The following SBK1 variants were observed in gnomAD, a reference collection of about 807,000 sequenced individuals.
SBK1 encodes serine/threonine-protein kinase SBK1.
Under a neutral mutation model 24.4 loss-of-function variants are expected in SBK1, and 11 were observed. That is an observed-to-expected ratio of 0.45 (90% CI 0.28 to 0.75). The LOEUF (loss-of-function observed/expected upper bound fraction) is 0.75, where lower values mean the gene tolerates loss of function less well. Among genes scored for constraint, SBK1 ranks in the 30% least tolerant of loss-of-function variants. The probability of loss-of-function intolerance (pLI) is 0.12; values close to 1 mark genes in which losing one functional copy is unlikely to be tolerated. For missense variants in SBK1, 467 were observed against 620.5 expected, an observed-to-expected ratio of 0.75 and a Z score of 2.63; for synonymous variants, 308 against 284.4, an observed-to-expected ratio of 1.08 and a Z score of -0.83.
rs1175056145 is a variant in SBK1, at chr16:28,293,115, T to G, written c.-193T>G. 2 of 985,326 alleles carry G rather than the reference T, an allele frequency of 2.0e-6. No individual in the cohort carries two copies. The highest frequency in any genetic ancestry group is 2.4e-6 in the Non-Finnish European group (2 of 830,108). The allele number at this position is 985,326 out of a possible 1,614,324, so 61.0% of individuals were successfully genotyped here. A position where few individuals can be genotyped will look rare whatever the true frequency, so the allele number is the denominator to read the frequency against. On this transcript the variant is annotated 5_prime_UTR_variant, in exon 1 of 4. Transcript: ENST00000341901. The stretch of plus-strand genomic sequence containing the variant: ...GGCAGCCGGGGACAGCAAGAGACAC[T>G]CTCACCAGCAAGAAGCCTCGGGGAT...
intron 1 of SBK1, among the ~76,000 whole-genome samples, chr16:28,271,218 G>A (rs1422975774): frequency 2.0e-5 from 3 of 152,068 alleles, no homozygotes; most frequent in Non-Finnish European, 4.4e-5. Flanking sequence ...AAATAAGGGA[G>A]TAAACCAAGT....
intron 1 of SBK1, among the ~76,000 whole-genome samples, chr16:28,266,351 A>G (rs1049724239): frequency 6.6e-6 from 1 of 152,120 alleles, no homozygotes; most frequent in African/African-American, 2.4e-5. Context: ...TAGGTGACAA[A>G]GGGAGACCCT....
In SBK1 at chr16:28,321,216, CA is replaced by C; in HGVS notation, c.*296del. On this transcript the variant is annotated 3_prime_UTR_variant, in exon 4 of 4. Coordinates refer to ENST00000341901, the MANE Select transcript of SBK1 (RefSeq NM_001024401.3). ...ACACACACACACACACACACACACA[CA>C]CACACACACACACACACACACGCCA... 5.2e-6 allele frequency: 1 copy of C among 190,588 alleles called. No homozygotes were observed. 11.8% of individuals were successfully genotyped at this position (190,588 alleles called of 1,614,324 possible). A position where few individuals can be genotyped will look rare whatever the true frequency, so the allele number is the denominator to read the frequency against.
rs55860114 is a variant in SBK1, at chr16:28,321,182, A to AACACACACACACACAC, written c.*302_*317dup. The AACACACACACACACAC allele has an allele frequency of 4.6e-4, 88 of 192,092 alleles. 1 individual carries two copies. Among genetic ancestry groups the AACACACACACACACAC allele is most frequent in the Admixed American group, 1.1e-3 (16 of 14,296 alleles). The allele number at this position is 192,092 out of a possible 1,614,324, so 11.9% of individuals were successfully genotyped here. On this transcript the variant is annotated 3_prime_UTR_variant, in exon 4 of 4. Coordinates refer to ENST00000341901, the MANE Select transcript of SBK1 (RefSeq NM_001024401.3). ...CCCGAGAATTCGGAGGCCACCACAC[A>AACACACACACACACAC]ACACACACACACACACACACACACA...
intron 1 of SBK1, among the ~76,000 whole-genome samples, chr16:28,267,740 A>G (rs1336137272): frequency 6.6e-6 from 1 of 152,226 alleles, no homozygotes; most frequent in African/African-American, 2.4e-5. Context: ...AGTATAATCT[A>G]TACTGCCAAA....
chr16:28,296,376 A>G (rs890770296), intron 1 of SBK1, among the ~76,000 whole-genome samples: 1 of 151,954 alleles, frequency 6.6e-6, no homozygotes, highest in Non-Finnish European at 1.5e-5. Flanking sequence ...TACAAGTGTA[A>G]GCCACCACAC....
In SBK1 at chr16:28,319,947, G is replaced by C; in HGVS notation, c.430-129G>C. The C allele has an allele frequency of 2.3e-6, 2 of 862,326 alleles. No homozygotes were observed. The highest frequency in any genetic ancestry group is 3.4e-6 in the Non-Finnish European group (2 of 593,456). 53.4% of individuals were successfully genotyped at this position (862,326 alleles called of 1,614,324 possible). A position where few individuals can be genotyped will look rare whatever the true frequency, so the allele number is the denominator to read the frequency against. ...AGCAGCATCCGGGCCGCGTCTGCGC[G>C]GTCGCCCCAGTTACTGGGGACAGGG... On this transcript the variant is annotated intron_variant, in intron 3 of 3. Coordinates refer to ENST00000341901, the MANE Select transcript of SBK1 (RefSeq NM_001024401.3). This position sits in a 1 kb window ranked among gnomAD's most constrained non-coding sequence, Gnocchi z 4.0.
intron 1 of SBK1, among the ~76,000 whole-genome samples, chr16:28,266,890 G>A (rs1175297974): frequency 1.3e-5 from 2 of 151,518 alleles, no homozygotes; most frequent in East Asian, 1.9e-4. Flanking sequence ...ACAGACATGC[G>A]CCACACACCA....
chr16:28,288,730 GC>G (rs946867858), upstream of SBK1, among the ~76,000 whole-genome samples: 2 of 152,152 alleles, frequency 1.3e-5, no homozygotes, highest in African/African-American at 4.8e-5. Flanking sequence ...AAGCAGCCCT[GC>G]CCTCTCTGCT....
upstream of SBK1, chr16:28,258,806 C>T (rs2044377863): frequency 6.6e-6 from 1 of 152,560 alleles, no homozygotes. Context: ...GCCAGCCTCA[C>T]CTGGCCCTTG....
intron 1 of SBK1, among the ~76,000 whole-genome samples, chr16:28,298,568 T>C (rs2044657138): frequency 2.6e-5 from 4 of 152,222 alleles, no homozygotes; most frequent in Admixed American, 2.0e-4. Flanking sequence ...TAGCTGCCAC[T>C]TCCTAAAGTT....
chr16:28,276,411 C>T (rs1374268726), intron 1 of SBK1, among the ~76,000 whole-genome samples: 1 of 152,162 alleles, frequency 6.6e-6, no homozygotes, highest in Non-Finnish European at 1.5e-5. Flanking sequence ...CTCCAAGACC[C>T]GCGCCCCTGA....
At chr16:28,312,742 G>A (rs1003323509) in intron 1 of SBK1, among the ~76,000 whole-genome samples, 1 of 152,230 alleles carries the variant, frequency 6.6e-6, no homozygotes, top group Non-Finnish European at 1.5e-5. Context: ...GCTCAGGCCT[G>A]TAATCCCAGC....
rs1264018539 is a variant in SBK1, at chr16:28,259,327, C to T, written c.82C>T (p.Pro28Ser). The change falls in exon 1 of 4, where the codon CCT (proline) becomes TCT (serine). Residue 28 changes from proline (P) to serine (S), a missense_variant. Physicochemically the swap from Pro to Ser is moderately conservative, Grantham distance 74. Coordinates refer to the SBK1 transcript ENST00000671413. This position sits in a 1 kb window ranked among gnomAD's most constrained non-coding sequence, Gnocchi z 6.0. The stretch of plus-strand genomic sequence containing the variant: ...CCTGGAGCGCCCTGGCTCGGGGACT[C>T]CTGCCCAGGCTGGCGATGATGCTGC... 8.1e-6 allele frequency: 3 copies of T among 372,480 alleles called. No individual in the cohort carries two copies. Among genetic ancestry groups the T allele is most frequent in the African/African-American group, 2.2e-5 (1 of 45,532 alleles). 23.1% of individuals were successfully genotyped at this position (372,480 alleles called of 1,614,324 possible).
chr16:28,263,006 G>C (rs2044406709), intron 1 of SBK1, among the ~76,000 whole-genome samples: 1 of 152,164 alleles, frequency 6.6e-6, no homozygotes, highest in Non-Finnish European at 1.5e-5. Context: ...TGCAGATGAA[G>C]AACAAGAGTG....
At position 28,320,023 on chromosome 16, in the gene SBK1, G is replaced by A. The variant is rs1327763416; in HGVS notation, c.430-53G>A. ...AGAGGGAGCTGGAGGGGAGGGCGGCGGGGCGGGCGCTGGAGAGCTGGAAAC... is the reference window on the plus strand; with the variant it reads ...AGAGGGAGCTGGAGGGGAGGGCGGCAGGGCGGGCGCTGGAGAGCTGGAAAC... On this transcript the variant is annotated intron_variant, in intron 3 of 3. Transcript: ENST00000341901. This position sits in a 1 kb window ranked among gnomAD's most constrained non-coding sequence, Gnocchi z 8.5. The A allele has an allele frequency of 1.4e-6, 2 of 1,417,282 alleles. No individual in the cohort carries two copies. The highest frequency in any genetic ancestry group is 2.6e-5 in the East Asian group (1 of 37,750). 87.8% of individuals were successfully genotyped at this position (1,417,282 alleles called of 1,614,324 possible). A position where few individuals can be genotyped will look rare whatever the true frequency, so the allele number is the denominator to read the frequency against.
At chr16:28,260,363 T>C (rs930233863) in intron 1 of SBK1, among the ~76,000 whole-genome samples, 9 of 152,176 alleles carry the variant, frequency 5.9e-5, no homozygotes, top group Non-Finnish European at 1.0e-4. Context: ...ATCCAAGCTG[T>C]GACCACAGGC....
chr16:28,316,333 A>G (rs1337887674), intron 1 of SBK1, among the ~76,000 whole-genome samples: 3 of 152,250 alleles, frequency 2.0e-5, no homozygotes, highest in Middle Eastern at 6.8e-3. Context: ...GTAATATACA[A>G]CTGATGTGAT....
chr16:28,280,143 A>ATGTGTG (rs1187072862), intron 1 of SBK1, among the ~76,000 whole-genome samples: 1 of 57,230 alleles, frequency 1.7e-5, no homozygotes, highest in South Asian at 5.5e-4. Context: ...ATATATATAT[A>ATGTGTG]TATATATGTG....
Sources: allele counts gnomAD v4.1 joint callset (sites outside exome capture counted in the v4.1 genomes callset), GRCh38; gene constraint gnomAD v4.1.1; non-coding constraint Gnocchi (gnomAD v3.1); transcripts MANE v1.5; gene names NCBI Gene and HGNC (gene_info 2026-07-23, HGNC 2026-07-21).